Variants in CTNNA2 observed in about 807,000 individuals in gnomAD.
CTNNA2 encodes catenin alpha 2, also known as catenin alpha-2.
CTNNA2 carries 42 observed loss-of-function variants against 101.0 expected under a neutral mutation model. The observed-to-expected ratio is 0.42, with a 90% CI of 0.32 to 0.54. CTNNA2 has a LOEUF of 0.54. Ranked by LOEUF, CTNNA2 falls within the 20% of genes least tolerant of loss-of-function variation. The pLI, the probability that CTNNA2 is intolerant of heterozygous loss-of-function variation, is 0.14. For missense variants in CTNNA2, 871 were observed against 1,223.1 expected (o/e 0.71, Z 4.29); for synonymous variants, 450 against 456.4 (o/e 0.99, Z 0.18).
chr2:79,651,072 C>A (rs1441878560), intron 1 of CTNNA2, among the ~76,000 whole-genome samples: 1 of 152,042 alleles, frequency 6.6e-6, no homozygotes, highest in African/African-American at 2.4e-5. Flanking sequence ...GTTGGTGGGA[C>A]TGTAAACTAG....
At chr2:79,882,832 T>C (rs1022861237) in intron 6 of CTNNA2, among the ~76,000 whole-genome samples, 4 of 152,198 alleles carry the variant, frequency 2.6e-5, no homozygotes, top group Non-Finnish European at 5.9e-5. Flanking sequence ...GCCTGTAGCA[T>C]GGGTTTGCAA....
chr2:80,504,192 C>T (rs1047440967), intron 9 of CTNNA2, among the ~76,000 whole-genome samples: 3 of 152,120 alleles, frequency 2.0e-5, no homozygotes, highest in African/African-American at 7.2e-5. Flanking sequence ...TGGTTGTTGG[C>T]AGAATTCAGT....
At chr2:80,138,075 C>G (rs1334720395) in intron 7 of CTNNA2, among the ~76,000 whole-genome samples, 1 of 152,084 alleles carries the variant, frequency 6.6e-6, no homozygotes, top group African/African-American at 2.4e-5. Context: ...CACAGAGCAT[C>G]CTGGAAGTAT....
intron 9 of CTNNA2, among the ~76,000 whole-genome samples, chr2:80,477,330 T>C (rs1212600283): frequency 6.6e-6 from 1 of 152,182 alleles, no homozygotes; most frequent in Non-Finnish European, 1.5e-5. Context: ...TCCTGGTAAA[T>C]AGAAATAAAT....
At chr2:80,324,927 A>G (rs964539175) in intron 7 of CTNNA2, among the ~76,000 whole-genome samples, 2 of 152,180 alleles carry the variant, frequency 1.3e-5, no homozygotes, top group African/African-American at 2.4e-5. Context: ...CCATCTAAAG[A>G]AGGCATCAGA....
Position 80,304,858 on chromosome 2 carries a change from A to G in CTNNA2, c.1057-88353A>G, listed in dbSNP as rs116478467. ...TTTTACCGAACCACTAAAGTAATAT[A>G]TGTTTTTTGATGAAACGGAAAACAC... On this transcript the variant is annotated intron_variant, in intron 7 of 18. Coordinates refer to ENST00000402739, the MANE Select transcript of CTNNA2 (RefSeq NM_001282597.3). 2.6e-3 allele frequency: 384 copies of G among 149,398 alleles called. 1 individual carries two copies. Among genetic ancestry groups the G allele is most frequent in the South Asian group, 0.021 (90 of 4,222 alleles). 9.3% of individuals were successfully genotyped at this position (149,398 alleles called of 1,614,324 possible).
At chr2:79,285,028 A>G (rs1174599510) in intron 2 of CTNNA2, among the ~76,000 whole-genome samples, 1 of 129,996 alleles carries the variant, frequency 7.7e-6, no homozygotes, top group Non-Finnish European at 1.6e-5. Flanking sequence ...TTTCTTCTAG[A>G]TTTTCTAGTT....
intron 7 of CTNNA2, among the ~76,000 whole-genome samples, chr2:80,043,809 G>C (rs1228251010): frequency 6.6e-6 from 1 of 152,194 alleles, no homozygotes; most frequent in East Asian, 1.9e-4. Flanking sequence ...AATGTATCCA[G>C]AGAAGTGAGG....
chr2:79,289,927 C>T (rs1443981034), intron 2 of CTNNA2, among the ~76,000 whole-genome samples: 1 of 152,136 alleles, frequency 6.6e-6, no homozygotes, highest in Non-Finnish European at 1.5e-5. Flanking sequence ...AACTTTGGCC[C>T]AGATAATCAG....
At chr2:79,740,208 C>G (rs913727896) in intron 2 of CTNNA2, among the ~76,000 whole-genome samples, 1 of 152,152 alleles carries the variant, frequency 6.6e-6, no homozygotes, top group Non-Finnish European at 1.5e-5. Context: ...TTGTTCCCAT[C>G]TTTGTGTCCA....
At chr2:80,562,904 C>T (rs1282357514) in intron 12 of CTNNA2, among the ~76,000 whole-genome samples, 1 of 151,740 alleles carries the variant, frequency 6.6e-6, no homozygotes, top group East Asian at 1.9e-4. Flanking sequence ...TTTATTCTAA[C>T]AATAAAACCC....
chr2:80,410,795 G>A (rs1679499595), intron 8 of CTNNA2, among the ~76,000 whole-genome samples: 1 of 152,192 alleles, frequency 6.6e-6, no homozygotes, highest in Non-Finnish European at 1.5e-5. Context: ...CTTGTTAGCT[G>A]ATACCAAGTT....
intron 7 of CTNNA2, among the ~76,000 whole-genome samples, chr2:80,255,252 A>T (rs772409233): frequency 3.9e-5 from 6 of 152,076 alleles, no homozygotes; most frequent in Non-Finnish European, 7.4e-5. Flanking sequence ...ATCTGTTTGA[A>T]TCCTCATATG....
chr2:79,944,257 C>T (rs980341539), intron 7 of CTNNA2, among the ~76,000 whole-genome samples: 1 of 152,110 alleles, frequency 6.6e-6, no homozygotes, highest in Non-Finnish European at 1.5e-5. Flanking sequence ...AAACCTTACC[C>T]TAACACCTTG....
intron 7 of CTNNA2, among the ~76,000 whole-genome samples, chr2:79,921,257 T>G (rs1686631938): frequency 6.6e-6 from 1 of 152,198 alleles, no homozygotes; most frequent in African/African-American, 2.4e-5. Flanking sequence ...AGTAAGTGTA[T>G]CAAATCAAGA....
At chr2:80,010,012 T>A (rs1199760023) in intron 7 of CTNNA2, among the ~76,000 whole-genome samples, 2 of 152,198 alleles carry the variant, frequency 1.3e-5, no homozygotes, top group Non-Finnish European at 2.9e-5. Flanking sequence ...AATTGCCACC[T>A]ACCTCCAATA....
intron 7 of CTNNA2, among the ~76,000 whole-genome samples, chr2:80,158,209 T>A (rs995506295): frequency 2.0e-5 from 3 of 152,200 alleles, no homozygotes; most frequent in African/African-American, 7.2e-5. Context: ...GTGTTCCTTC[T>A]TGGCCTCTGT....
intron 11 of CTNNA2, among the ~76,000 whole-genome samples, chr2:80,551,155 TG>T (rs1364926736): frequency 1.3e-5 from 2 of 152,224 alleles, no homozygotes; most frequent in Non-Finnish European, 2.9e-5. Flanking sequence ...AATAACATTT[TG>T]AAAAGAATTA....
chr2:80,462,899 G>A (rs917779251), intron 9 of CTNNA2, among the ~76,000 whole-genome samples: 4 of 151,866 alleles, frequency 2.6e-5, no homozygotes, highest in Admixed American at 2.0e-4. Context: ...GCTTCTCGTT[G>A]ATCTTTTATA....
Sources: allele counts gnomAD v4.1 joint callset (sites outside exome capture counted in the v4.1 genomes callset), GRCh38; gene constraint gnomAD v4.1.1; transcripts MANE v1.5; gene names NCBI Gene and HGNC (gene_info 2026-07-23, HGNC 2026-07-21).